SLC16A14: variants seen among roughly 807,000 people sequenced by gnomAD.
SLC16A14 encodes the protein solute carrier family 16 member 14, also known as monocarboxylate transporter 14.
SLC16A14 carries 14 observed loss-of-function variants against 35.8 expected under a neutral mutation model. The ratio of observed to expected loss-of-function variants is 0.39; its 90% CI spans 0.26 to 0.61. SLC16A14 has a LOEUF of 0.61. Ranked by LOEUF, SLC16A14 falls within the 20% of genes least tolerant of loss-of-function variation. SLC16A14 has a pLI of 0.51. For missense variants in SLC16A14, 533 were observed against 655.0 expected, an observed-to-expected ratio of 0.81 and a Z score of 2.03; for synonymous variants, 248 against 258.9, an observed-to-expected ratio of 0.96 and a Z score of 0.40.
chr2:230,061,924 T>G (rs927217575), intron 1 of SLC16A14, among the ~76,000 whole-genome samples: 1 of 152,050 alleles, frequency 6.6e-6, no homozygotes, highest in Non-Finnish European at 1.5e-5. Context: ...GTATTTTTAT[T>G]AGAGACGGGG....
intron 2 of SLC16A14, among the ~76,000 whole-genome samples, chr2:230,058,015 C>A (rs976207871): frequency 5.7e-5 from 8 of 140,788 alleles, no homozygotes; most frequent in Non-Finnish European, 1.2e-4. Flanking sequence ...GGAGACAGAG[C>A]AAGACTCTGT....
chr2:230,045,985 C>T lies in SLC16A14; in HGVS notation c.1141G>A (p.Val381Ile). The stretch of plus-strand genomic sequence containing the variant: ...TTGGCCAACAGGAAGACATTCCAAA[C>T]ACTAATGCAAGGCAAGTCGGCTATG... ...GVIADLPCIS[V>I]WNVFLLANFT... The change falls in exon 4 of 5, where the codon GTT becomes ATT. Residue 381 changes from valine (V) to isoleucine (I), a missense_variant. Coordinates refer to ENST00000295190, the MANE Select transcript of SLC16A14 (RefSeq NM_152527.5). 1 of 1,613,726 alleles carries T rather than the reference C, an allele frequency of 6.2e-7. No homozygotes were observed. The highest frequency in any genetic ancestry group is 8.5e-7 in the Non-Finnish European group (1 of 1,179,602).
intron 4 of SLC16A14, among the ~76,000 whole-genome samples, chr2:230,041,569 A>G (rs2077560333): frequency 6.6e-6 from 1 of 152,056 alleles, no homozygotes; most frequent in Non-Finnish European, 1.5e-5. Context: ...ACCTCAGGTG[A>G]TCCGCCCATC....
Position 230,037,402 on chromosome 2 carries a change from T to C in SLC16A14, c.1511A>G (p.Tyr504Cys), listed in dbSNP as rs758073782. The C allele has an allele frequency of 6.2e-7, 1 of 1,609,404 alleles. No individual in the cohort carries two copies. The highest frequency in any genetic ancestry group is 8.5e-7 in the Non-Finnish European group (1 of 1,178,818). ...IRIIEQSRRKYMDGAHV is the reference protein window; with the variant it reads ...IRIIEQSRRKCMDGAHV ...ATACTAAACATGTGCACCATCCATG[T>C]ATTTTCTTCTGGATTGTTCTATAAT... The change falls in exon 5 of 5, where the codon TAC (tyrosine) becomes TGC (cysteine). Residue 504 changes from tyrosine to cysteine, a missense_variant. Coordinates refer to ENST00000295190, the MANE Select transcript of SLC16A14 (RefSeq NM_152527.5).
intron 2 of SLC16A14, among the ~76,000 whole-genome samples, chr2:230,053,086 T>G (rs1000541602): frequency 9.2e-5 from 14 of 152,060 alleles, no homozygotes; most frequent in Admixed American, 8.5e-4. Context: ...GGATTACAGG[T>G]GCTTGTCACC....
At chr2:230,042,665 A>G (rs2077570115) in intron 4 of SLC16A14, among the ~76,000 whole-genome samples, 1 of 152,198 alleles carries the variant, frequency 6.6e-6, no homozygotes, top group Non-Finnish European at 1.5e-5. Flanking sequence ...TAACATCTCT[A>G]GCAGGCACCA....
In SLC16A14 at chr2:230,046,804, A is replaced by G. The variant is rs2077612686; in HGVS notation, c.404-82T>C. On this transcript the variant is annotated intron_variant, in intron 3 of 4. Transcript: ENST00000295190. This position sits in a 1 kb window ranked among gnomAD's most constrained non-coding sequence, Gnocchi z 5.0. ...AGAATTCGCAGCAAAGATCACCTGC[A>G]TTTCCTTAATTAGCATCTATTTATG... is the stretch of plus-strand genomic sequence containing the variant. 6 of 1,416,704 alleles carry G rather than the reference A, an allele frequency of 4.2e-6. No individual in the cohort carries two copies. In the African/African-American group the frequency reaches 5.7e-5, roughly 13 times the overall value. 87.8% of individuals were successfully genotyped at this position (1,416,704 alleles called of 1,614,324 possible).
intron 1 of SLC16A14, among the ~76,000 whole-genome samples, chr2:230,061,463 C>T (rs1327688547): frequency 6.6e-6 from 1 of 152,160 alleles, no homozygotes; most frequent in Admixed American, 6.5e-5. Flanking sequence ...GTTGGCAAAA[C>T]AATACCCACT....
intron 4 of SLC16A14, among the ~76,000 whole-genome samples, chr2:230,040,581 G>A (rs2077553558): frequency 6.6e-6 from 1 of 151,946 alleles, no homozygotes; most frequent in South Asian, 2.1e-4. Flanking sequence ...AAAAATATAA[G>A]CATGTGTAAA....
chr2:230,037,654 C>T, intron 4 of SLC16A14, 123 bp from the exon 5 acceptor site: 2 of 752,632 alleles, frequency 2.7e-6, no homozygotes, highest in Non-Finnish European at 4.0e-6. Flanking sequence ...CATTTCATAC[C>T]AATAAAATGT....
intron 4 of SLC16A14, among the ~76,000 whole-genome samples, chr2:230,041,441 G>T (rs897849334): frequency 6.6e-6 from 1 of 152,056 alleles, no homozygotes; most frequent in African/African-American, 2.4e-5. Context: ...TCCGTCTCCC[G>T]GGTTCAAGCA....
chr2:230,036,612 C>T lies in SLC16A14; in HGVS notation c.*768G>A, dbSNP rs899009527. 4.6e-5 allele frequency: 7 copies of T among 152,202 alleles called. No individual in the cohort carries two copies. The highest frequency in any genetic ancestry group is 1.7e-4 in the African/African-American group (7 of 41,450). 9.4% of individuals were successfully genotyped at this position (152,202 alleles called of 1,614,324 possible). A position where few individuals can be genotyped will look rare whatever the true frequency, so the allele number is the denominator to read the frequency against. On this transcript the variant is annotated 3_prime_UTR_variant, in exon 5 of 5. Transcript: ENST00000295190. ...GAGGCCAATGATACGAATAAAAGTG[C>T]TTGAATTGTAGCCCTTGATTTAATG...
intron 2 of SLC16A14, among the ~76,000 whole-genome samples, chr2:230,054,420 T>C (rs1420625533): frequency 1.3e-5 from 2 of 152,226 alleles, no homozygotes; most frequent in African/African-American, 4.8e-5. Context: ...TACTCTATGT[T>C]CACCTTATTT....
At chr2:230,056,879 T>TAAAAAAAAAAA (rs60620443) in intron 2 of SLC16A14, among the ~76,000 whole-genome samples, 2 of 95,486 alleles carry the variant, frequency 2.1e-5, no homozygotes, top group African/African-American at 3.8e-5. Flanking sequence ...CTACAAAAAG[T>TAAAAAAAAAAA]AAAAAAAAAA....
At chr2:230,062,170 T>TA (rs150985940) in intron 1 of SLC16A14, among the ~76,000 whole-genome samples, 29,153 of 151,926 alleles carry the variant, frequency 0.19, 2,879 homozygotes, top group Middle Eastern at 0.25. Context: ...GAGGGTGATG[T>TA]AAAAAAACTA....
In SLC16A14 at chr2:230,059,336, T is replaced by A. The variant is rs2077733054; in HGVS notation, c.17A>T (p.Glu6Val). The A allele has an allele frequency of 6.3e-7, 1 of 1,591,646 alleles. No individual in the cohort carries two copies. Among genetic ancestry groups the A allele is most frequent in the Non-Finnish European group, 8.6e-7 (1 of 1,167,446 alleles). The change falls in exon 2 of 5, where the codon GAA becomes GTA. Residue 6 changes from glutamate (E) to valine (V), a missense_variant. Physicochemically the swap from Glu to Val is moderately radical, Grantham distance 121. Transcript: ENST00000295190. ...ATCTTCAAAATCATACCCAATATCT[T>A]CATGACTGGTATACATTTTCCAAGA... is the stretch of plus-strand genomic sequence containing the variant. MYTSH[E>V]DIGYDFEDGP...
chr2:230,063,160 G>A (rs2077764260), intron 1 of SLC16A14, among the ~76,000 whole-genome samples: 1 of 152,016 alleles, frequency 6.6e-6, no homozygotes, highest in Admixed American at 6.6e-5. Context: ...GGTGGCAGGT[G>A]CCTAAAATCC....
intron 2 of SLC16A14, among the ~76,000 whole-genome samples, chr2:230,052,084 A>C (rs6713033): frequency 0.037 from 5,573 of 151,812 alleles, 313 homozygotes; most frequent in African/African-American, 0.12. Context: ...CTACAGGCGC[A>C]CGCCACCATG....
rs1333414611 is a variant in SLC16A14, at chr2:230,035,701, C to G, written c.*1679G>C. On this transcript the variant is annotated 3_prime_UTR_variant, in exon 5 of 5. Coordinates refer to ENST00000295190, the MANE Select transcript of SLC16A14 (RefSeq NM_152527.5). ...GTCTATAATAATTTACAGGCAATTC[C>G]CGAGTCATTGGAGGTAATATTAAGT... 2.0e-5 allele frequency: 3 copies of G among 152,102 alleles called. No homozygotes were observed. The highest frequency in any genetic ancestry group is 4.4e-5 in the Non-Finnish European group (3 of 68,022). The allele number at this position is 152,102 out of a possible 1,614,324, so 9.4% of individuals were successfully genotyped here.
Sources: allele counts gnomAD v4.1 joint callset (sites outside exome capture counted in the v4.1 genomes callset), GRCh38; gene constraint gnomAD v4.1.1; non-coding constraint Gnocchi (gnomAD v3.1); transcripts MANE v1.5; gene names NCBI Gene and HGNC (gene_info 2026-07-23, HGNC 2026-07-21).